The following MIPOL1 variants were observed in gnomAD, a reference collection of about 807,000 sequenced individuals.
MIPOL1 encodes mirror-image polydactyly gene 1 protein.
MIPOL1 carries 57 observed loss-of-function variants against 60.9 expected under a neutral mutation model. The observed-to-expected ratio is 0.94, with a 90% CI of 0.76 to 1.17. MIPOL1 has a LOEUF of 1.17. Among genes scored for constraint, MIPOL1 ranks in the 50% most tolerant of loss-of-function variants. MIPOL1 has a pLI of 0.00. For synonymous variants in MIPOL1, 179 were observed against 168.8 expected, an observed-to-expected ratio of 1.06 and a Z score of -0.47; for missense variants, 551 against 511.6, an observed-to-expected ratio of 1.08 and a Z score of -0.74.
intron 11 of MIPOL1, among the ~76,000 whole-genome samples, chr14:37,468,719 C>T (rs1353169912): frequency 1.3e-5 from 2 of 152,182 alleles, no homozygotes; most frequent in Non-Finnish European, 2.9e-5. Flanking sequence ...ATGGGGTTTA[C>T]TCTTTATCCG....
At chr14:37,277,462 CAT>C (rs2083757934) in intron 6 of MIPOL1, 1 of 151,232 alleles carries the variant, frequency 6.6e-6, no homozygotes, top group African/African-American at 2.4e-5. Context: ...TCCAATATCA[CAT>C]ATATTAAATC....
chr14:37,357,365 C>G (rs2091918801), intron 9 of MIPOL1, among the ~76,000 whole-genome samples: 1 of 152,052 alleles, frequency 6.6e-6, no homozygotes, highest in African/African-American at 2.4e-5. Context: ...TGGGATATTG[C>G]TCAAGAAATG....
rs140610889 is a variant in MIPOL1, at chr14:37,422,911, A to T, written c.993A>T (p.Lys331Asn). 3.1e-6 allele frequency: 5 copies of T among 1,609,490 alleles called. No individual in the cohort carries two copies. Among genetic ancestry groups the T allele is most frequent in the Non-Finnish European group, 3.4e-6 (4 of 1,177,342 alleles). The change falls in exon 11 of 13, where the codon AAA (lysine) becomes AAT (asparagine). Residue 331 changes from lysine to asparagine, a missense_variant. Coordinates refer to ENST00000684589, the MANE Select transcript of MIPOL1 (RefSeq NM_001388067.1). ...AAACTGCAGTTCAACAGTACAAAAA[A>T]CTGGAAGAGGAAATCCAGACCCTTC... is the stretch of plus-strand genomic sequence containing the variant. ...ARETAVQQYKKLEEEIQTLRV... is the reference protein window; with the variant it reads ...ARETAVQQYKNLEEEIQTLRV...
intron 11 of MIPOL1, among the ~76,000 whole-genome samples, chr14:37,476,576 T>C (rs1326106559): frequency 1.3e-5 from 2 of 152,192 alleles, no homozygotes; most frequent in East Asian, 3.9e-4. Context: ...TTTTTATAGA[T>C]GTTCTGTATA....
chr14:37,524,444 GGAA>G (rs2095433205), intron 12 of MIPOL1, among the ~76,000 whole-genome samples: 1 of 152,062 alleles, frequency 6.6e-6, no homozygotes, highest in Non-Finnish European at 1.5e-5. Context: ...GAAGACTGGA[GGAA>G]GAACAGAGTG....
intron 9 of MIPOL1, among the ~76,000 whole-genome samples, chr14:37,321,515 C>T (rs2088571814): frequency 6.6e-6 from 1 of 151,666 alleles, no homozygotes; most frequent in Non-Finnish European, 1.5e-5. Context: ...CTAAATAGGC[C>T]CTGTTTCTTA....
intron 10 of MIPOL1, among the ~76,000 whole-genome samples, chr14:37,409,896 A>C (rs1461871560): frequency 6.6e-6 from 1 of 152,218 alleles, no homozygotes; most frequent in Non-Finnish European, 1.5e-5. Context: ...AGAGATTTAC[A>C]GTGAGATGGT....
chr14:37,376,943 TTGA>T lies in MIPOL1; in HGVS notation c.936+7322_936+7324del, dbSNP rs377068183. 1.2e-4 allele frequency among the ~76,000 whole-genome samples: 19 copies of T among 152,268 alleles called. No individual in the cohort carries two copies. The East Asian group carries it at 3.3e-3, about 26-fold the overall frequency. On this transcript the variant is annotated intron_variant, in intron 10 of 12. Coordinates refer to ENST00000684589, the MANE Select transcript of MIPOL1 (RefSeq NM_001388067.1). ...TGTTGCTCCATATTCTCACCAGCAG[TTGA>T]TGTTTCTTTTTTGTAGTCTTCTCAA...
chr14:37,485,648 C>T (rs758246888), intron 11 of MIPOL1, among the ~76,000 whole-genome samples: 3 of 152,110 alleles, frequency 2.0e-5, no homozygotes, highest in Non-Finnish European at 2.9e-5. Context: ...AGTTTCTGTT[C>T]ATATCCTTTG....
intron 3 of MIPOL1, among the ~76,000 whole-genome samples, chr14:37,263,137 G>A (rs1264041778): frequency 1.3e-5 from 2 of 152,088 alleles, no homozygotes; most frequent in Admixed American, 6.6e-5. Context: ...CCTAGAATAG[G>A]CAATGGTATT....
intron 11 of MIPOL1, among the ~76,000 whole-genome samples, chr14:37,461,083 C>T (rs888825975): frequency 6.6e-6 from 1 of 152,150 alleles, no homozygotes; most frequent in African/African-American, 2.4e-5. Flanking sequence ...CTGGTGGAGG[C>T]ATCACATTAC....
At chr14:37,227,268 G>T (rs1473234518) in intron 1 of MIPOL1, among the ~76,000 whole-genome samples, 1 of 152,164 alleles carries the variant, frequency 6.6e-6, no homozygotes, top group Non-Finnish European at 1.5e-5. Context: ...ACTGCTTGCT[G>T]TTCAAATGAA....
chr14:37,281,023 A>G lies in MIPOL1; in HGVS notation c.494-4295A>G, dbSNP rs139431789. Reference sequence around the variant, plus strand: ...ACGCTTTTTAATTTGATGCAATCCTATTAGTCTTTTTTTACTTTCACTGCC... The same window carrying G: ...ACGCTTTTTAATTTGATGCAATCCTGTTAGTCTTTTTTTACTTTCACTGCC... On this transcript the variant is annotated intron_variant, in intron 6 of 12. Coordinates refer to ENST00000684589, the MANE Select transcript of MIPOL1 (RefSeq NM_001388067.1). Among the ~76,000 whole-genome samples, 464 of 152,238 alleles carry G rather than the reference A, an allele frequency of 3.0e-3. 1 individual carries two copies. The highest frequency in any genetic ancestry group is 0.01 in the African/African-American group (424 of 41,552).
Position 37,480,180 on chromosome 14 carries a change from A to G in MIPOL1, c.1032-19728A>G, listed in dbSNP as rs564020369. Among the ~76,000 whole-genome samples, 13 of 152,302 alleles carry G rather than the reference A, an allele frequency of 8.5e-5. No individual in the cohort carries two copies. The South Asian group carries it at 2.7e-3, about 32-fold the overall frequency. On this transcript the variant is annotated intron_variant, in intron 11 of 12. Transcript: ENST00000684589. ...TAACTCTTCCCAAAAATTAAAGAGG[A>G]GAGAATACTTCCAAACTCTTTTTGC...
chr14:37,364,560 T>G (rs1044047925), intron 9 of MIPOL1, among the ~76,000 whole-genome samples: 1 of 152,066 alleles, frequency 6.6e-6, no homozygotes, highest in African/African-American at 2.4e-5. Flanking sequence ...TGTTTCTGGG[T>G]TTTCTATTCT....
intron 12 of MIPOL1, chr14:37,504,064 A>C (rs919917026): frequency 2.6e-5 from 4 of 152,180 alleles, no homozygotes; most frequent in African/African-American, 9.7e-5. Flanking sequence ...AACTATCCTA[A>C]ATATATATGC....
intron 10 of MIPOL1, among the ~76,000 whole-genome samples, chr14:37,399,112 A>AT (rs1158675161): frequency 6.6e-6 from 1 of 152,126 alleles, no homozygotes; most frequent in South Asian, 2.1e-4. Context: ...CAAAATTTTC[A>AT]TTTTTGTTTG....
In MIPOL1 at chr14:37,222,120, A is replaced by G. The variant is rs111436819; in HGVS notation, c.-199+24016A>G. Among the ~76,000 whole-genome samples the G allele has an allele frequency of 5.8e-4, 89 of 152,350 alleles. 1 individual carries two copies. The highest frequency in any genetic ancestry group is 2.1e-3 in the African/African-American group (87 of 41,580). On this transcript the variant is annotated intron_variant, in intron 1 of 12. Coordinates refer to ENST00000684589, the MANE Select transcript of MIPOL1 (RefSeq NM_001388067.1). ...TATATGCTTTTTAAATACAAGTGGC[A>G]AAGGTATAGGAGAGACATTACTGTT...
At chr14:37,334,691 C>G (rs2089981680) in intron 9 of MIPOL1, among the ~76,000 whole-genome samples, 1 of 151,932 alleles carries the variant, frequency 6.6e-6, no homozygotes, top group Non-Finnish European at 1.5e-5. Context: ...TTCCACCAGC[C>G]CTAAGCAACC....
Sources: allele counts gnomAD v4.1 joint callset (sites outside exome capture counted in the v4.1 genomes callset), GRCh38; gene constraint gnomAD v4.1.1; transcripts MANE v1.5; gene names NCBI Gene and HGNC (gene_info 2026-07-23, HGNC 2026-07-21).